KDM2B: variants seen among roughly 807,000 people sequenced by gnomAD.
KDM2B encodes lysine-specific demethylase 2B.
Under a neutral mutation model 150.0 loss-of-function variants are expected in KDM2B, and 26 were observed. The observed-to-expected ratio is 0.17, with a 90% confidence interval of 0.13 to 0.24. The LOEUF (loss-of-function observed/expected upper bound fraction) is 0.24, where lower values mean the gene tolerates loss of function less well. Ranked by LOEUF, KDM2B falls within the 10% of genes least tolerant of loss-of-function variation. The pLI, the probability that KDM2B is intolerant of heterozygous loss-of-function variation, is 1.00. For synonymous variants in KDM2B, 734 were observed against 729.5 expected, an observed-to-expected ratio of 1.01 and a Z score of -0.10; for missense variants, 1,265 against 1,816.9, an observed-to-expected ratio of 0.70 and a Z score of 5.52.
the KDM2B span, among the ~76,000 whole-genome samples, chr12:121,412,545 A>T: frequency 3.7e-4 from 56 of 151,182 alleles, no homozygotes; most frequent in South Asian, 9.6e-3. Flanking sequence ...GCCTGGCCTA[A>T]TTTTTGTGTT....
chr12:121,551,416 G>A (rs1252833582), intron 4 of KDM2B, among the ~76,000 whole-genome samples: 2 of 151,252 alleles, frequency 1.3e-5, no homozygotes, highest in African/African-American at 2.4e-5. Context: ...CACGATCGTG[G>A]CTCACTGCAG....
At chr12:121,495,695 A>G (rs1269435158) in intron 11 of KDM2B, among the ~76,000 whole-genome samples, 1 of 152,096 alleles carries the variant, frequency 6.6e-6, no homozygotes, top group Non-Finnish European at 1.5e-5. Context: ...AGCAAACAAA[A>G]CCAACCTCCA....
At chr12:121,425,994 C>T (rs955990978), downstream of KDM2B, among the ~76,000 whole-genome samples, 1 of 152,056 alleles carries the variant, frequency 6.6e-6, no homozygotes, top group Non-Finnish European at 1.5e-5. Flanking sequence ...GTCTCAATCT[C>T]CTGACCTCAT....
Position 121,453,450 on chromosome 12 carries a change from T to C in KDM2B, c.1735-106A>G, listed in dbSNP as rs1226703279. 10 of 796,934 alleles carry C rather than the reference T, an allele frequency of 1.3e-5. No individual in the cohort carries two copies. The South Asian group carries it at 1.3e-4, about 10-fold the overall frequency. 49.4% of individuals were successfully genotyped at this position (796,934 alleles called of 1,614,324 possible). A position where few individuals can be genotyped will look rare whatever the true frequency, so the allele number is the denominator to read the frequency against. On this transcript the variant is annotated intron_variant, in intron 12 of 22. Transcript: ENST00000377071. The surrounding 1 kb of genome is among the most constrained non-coding windows in gnomAD (Gnocchi z 6.4). ...ACTGTGTACCCCCAGAAAGACACGA[T>C]GGGGGCTCTAAACCCCATTCCTCAG...
At chr12:121,512,560 C>G (rs1436462652) in intron 10 of KDM2B, among the ~76,000 whole-genome samples, 1 of 152,028 alleles carries the variant, frequency 6.6e-6, no homozygotes, top group African/African-American at 2.4e-5. Context: ...GCTGCAGACT[C>G]TACATCATCC....
intron 22 of KDM2B, among the ~76,000 whole-genome samples, chr12:121,436,475 C>T (rs1173381386): frequency 4.0e-5 from 6 of 150,098 alleles, no homozygotes; most frequent in Admixed American, 6.7e-5. Context: ...GAGCCGAGAT[C>T]GCGCAATTGC....
At chr12:121,574,730 G>T in intron 3 of KDM2B, 137 bp from the exon 4 acceptor site, 1 of 743,250 alleles carries the variant, frequency 1.3e-6, no homozygotes, top group Non-Finnish European at 2.2e-6. Flanking sequence ...AGAACATCCA[G>T]AGGGAGAGAA....
rs1211600737 is a variant in KDM2B at position 121,468,465 on chromosome 12, GTCCAAGGT to G, written c.1735-15129_1735-15122del. ...GACTTGGCATACATATCATCCACCTGTCCAAGGTAACACTAAATATGCACACCTGTACC... is the reference window on the plus strand; with the variant it reads ...GACTTGGCATACATATCATCCACCTGAACACTAAATATGCACACCTGTACC... On this transcript the variant is annotated intron_variant, in intron 12 of 22. Coordinates refer to ENST00000377071, the MANE Select transcript of KDM2B (RefSeq NM_032590.5). The surrounding 1 kb of genome is among the most constrained non-coding windows in gnomAD (Gnocchi z 4.0). 2 of 152,204 alleles carry G rather than the reference GTCCAAGGT, an allele frequency of 1.3e-5. No homozygotes were observed. Among genetic ancestry groups the G allele is most frequent in the Non-Finnish European group, 2.9e-5 (2 of 68,052 alleles). The allele number at this position is 152,204 out of a possible 1,614,324, so 9.4% of individuals were successfully genotyped here. A position where few individuals can be genotyped will look rare whatever the true frequency, so the allele number is the denominator to read the frequency against.
At chr12:121,547,645 C>CTT (rs55686141) in intron 6 of KDM2B, among the ~76,000 whole-genome samples, 20 of 80,272 alleles carry the variant, frequency 2.5e-4, no homozygotes, top group East Asian at 7.2e-4. Context: ...CTTCCCCTTC[C>CTT]TTTTTTTTTT....
At position 121,453,933 on chromosome 12, in the gene KDM2B, C is replaced by A. The variant is rs1250835055; in HGVS notation, c.1735-589G>T. ...GCTGCACCCACAGGCTCGGACCCTG[C>A]CCACCTTTCCCACCTCCGTCTGCTC... is the stretch of plus-strand genomic sequence containing the variant. On this transcript the variant is annotated intron_variant, in intron 12 of 22. Coordinates refer to ENST00000377071, the MANE Select transcript of KDM2B (RefSeq NM_032590.5). This position sits in a 1 kb window ranked among gnomAD's most constrained non-coding sequence, Gnocchi z 6.4. Among the ~76,000 whole-genome samples, 1 of 152,206 alleles carries A rather than the reference C, an allele frequency of 6.6e-6. No homozygotes were observed. Among genetic ancestry groups the A allele is most frequent in the Admixed American group, 6.5e-5 (1 of 15,290 alleles).
At chr12:121,508,182 G>A (rs1885265805) in intron 11 of KDM2B, among the ~76,000 whole-genome samples, 2 of 152,034 alleles carry the variant, frequency 1.3e-5, no homozygotes, top group Non-Finnish European at 2.9e-5. Flanking sequence ...GACCTTCTGG[G>A]GTCAAGCAAT....
At chr12:121,564,196 G>A (rs370420939) in intron 4 of KDM2B, among the ~76,000 whole-genome samples, 3 of 152,108 alleles carry the variant, frequency 2.0e-5, no homozygotes, top group African/African-American at 4.8e-5. Context: ...TGTGGCTCAC[G>A]CCTGTAATCT....
chr12:121,443,663 G>T lies in KDM2B; in HGVS notation c.2565+17C>A. 6.5e-7 allele frequency: 1 copy of T among 1,526,736 alleles called. No individual in the cohort carries two copies. The allele number at this position is 1,526,736 out of a possible 1,614,324, so 94.6% of individuals were successfully genotyped here. A position where few individuals can be genotyped will look rare whatever the true frequency, so the allele number is the denominator to read the frequency against. On this transcript the variant is annotated intron_variant, in intron 17 of 22. Transcript: ENST00000377071. ...CCAGTCCCCGGGGCCTCAGGAGGGC[G>T]TGCGTCGTGGGAGCACCTGCTGCTG...
the KDM2B span, among the ~76,000 whole-genome samples, chr12:121,415,036 C>G: frequency 6.6e-6 from 1 of 152,040 alleles, no homozygotes; most frequent in Non-Finnish European, 1.5e-5. Context: ...GCGGACGTTG[C>G]AGTGAGCCGA....
chr12:121,519,086 C>T (rs1369353553), intron 9 of KDM2B, among the ~76,000 whole-genome samples: 1 of 152,204 alleles, frequency 6.6e-6, no homozygotes, highest in East Asian at 1.9e-4. Context: ...CCAGGTCTCT[C>T]CAGATCTAGG....
At position 121,533,094 on chromosome 12, in the gene KDM2B, G is replaced by A; in HGVS notation, c.778-135C>T. On this transcript the variant is annotated intron_variant, in intron 7 of 22. Transcript: ENST00000377071. The surrounding 1 kb of genome is among the most constrained non-coding windows in gnomAD (Gnocchi z 4.1). Reference sequence around the variant, plus strand: ...GGGTGGGGGGTGTGGAGAGATGGCAGATCCATCCCTCTGGACTCTCTGCAA... The same window carrying A: ...GGGTGGGGGGTGTGGAGAGATGGCAAATCCATCCCTCTGGACTCTCTGCAA... 1 of 823,944 alleles carries A rather than the reference G, an allele frequency of 1.2e-6. No individual in the cohort carries two copies. The allele number at this position is 823,944 out of a possible 1,614,324, so 51.0% of individuals were successfully genotyped here. A position where few individuals can be genotyped will look rare whatever the true frequency, so the allele number is the denominator to read the frequency against.
chr12:121,540,309 T>C (rs951142383), intron 6 of KDM2B, among the ~76,000 whole-genome samples: 2 of 152,124 alleles, frequency 1.3e-5, no homozygotes, highest in Non-Finnish European at 2.9e-5. Context: ...GCGGGGCCGG[T>C]TTCCCTATCT....
intron 13 of KDM2B, among the ~76,000 whole-genome samples, chr12:121,447,657 T>C (rs1397758384): frequency 6.6e-6 from 1 of 152,032 alleles, no homozygotes; most frequent in African/African-American, 2.4e-5. Context: ...AAAAATATGT[T>C]ATTTCTTTTT....
intron 10 of KDM2B, 104 bp from the exon 11 acceptor site, chr12:121,510,143 G>A: frequency 3.0e-6 from 3 of 1,015,198 alleles, no homozygotes; most frequent in Non-Finnish European, 1.4e-6. Context: ...CAGAGATCCA[G>A]CTTCTCTAAC....
Sources: allele counts gnomAD v4.1 joint callset (sites outside exome capture counted in the v4.1 genomes callset), GRCh38; gene constraint gnomAD v4.1.1; non-coding constraint Gnocchi (gnomAD v3.1); transcripts MANE v1.5; gene names NCBI Gene and HGNC (gene_info 2026-07-23, HGNC 2026-07-21).